ARHGAP15: variants seen among roughly 807,000 people sequenced by gnomAD.
The protein encoded by ARHGAP15 is Rho GTPase activating protein 15, also known as rho GTPase-activating protein 15.
In ARHGAP15, 51 loss-of-function variants were observed where a neutral mutation model predicts 63.7. The observed-to-expected ratio is 0.80, with a 90% CI of 0.64 to 1.01. ARHGAP15 has a LOEUF of 1.01. ARHGAP15 is among the 50% of genes least tolerant of loss of function. The probability of loss-of-function intolerance (pLI) is 0.00; values close to 1 mark genes in which losing one functional copy is unlikely to be tolerated. For synonymous variants in ARHGAP15, 191 were observed against 193.8 expected (o/e 0.99, Z 0.12); for missense variants, 560 against 564.6 (o/e 0.99, Z 0.08).
intron 13 of ARHGAP15, among the ~76,000 whole-genome samples, chr2:143,760,373 G>T (rs577162316): frequency 1.3e-5 from 2 of 152,140 alleles, no homozygotes; most frequent in East Asian, 3.9e-4. Context: ...TTTCTTTTTG[G>T]TATTATCTAC....
intron 6 of ARHGAP15, 113 bp downstream of exon 6, chr2:143,250,713 G>A (rs932161822): frequency 1.3e-6 from 1 of 796,996 alleles, no homozygotes; most frequent in African/African-American, 1.8e-5. Context: ...TGAACTCGTT[G>A]TCTGAAGGTC....
At chr2:143,687,248 G>T (rs1468549713) in intron 12 of ARHGAP15, among the ~76,000 whole-genome samples, 3 of 152,242 alleles carry the variant, frequency 2.0e-5, no homozygotes, top group African/African-American at 7.2e-5. Context: ...CAAATATTTT[G>T]AAATGAACAG....
intron 13 of ARHGAP15, among the ~76,000 whole-genome samples, chr2:143,758,490 T>A (rs1686655098): frequency 1.3e-5 from 2 of 151,978 alleles, no homozygotes; most frequent in Admixed American, 1.3e-4. Flanking sequence ...ATAAAATGGG[T>A]TAAACAAACA....
At chr2:143,459,440 TAAGA>T (rs1027700600) in intron 8 of ARHGAP15, among the ~76,000 whole-genome samples, 3 of 151,850 alleles carry the variant, frequency 2.0e-5, no homozygotes, top group Non-Finnish European at 4.4e-5. Context: ...AAAACTAAAG[TAAGA>T]AAGTGGCATA....
intron 11 of ARHGAP15, among the ~76,000 whole-genome samples, chr2:143,623,534 T>TA (rs59749655): frequency 4.0e-4 from 60 of 148,224 alleles, no homozygotes; most frequent in African/African-American, 1.2e-3. Flanking sequence ...AGATGAGAAC[T>TA]AAAAAAAAAA....
intron 10 of ARHGAP15, among the ~76,000 whole-genome samples, chr2:143,553,257 T>G (rs1047656832): frequency 6.6e-6 from 1 of 152,214 alleles, no homozygotes; most frequent in Non-Finnish European, 1.5e-5. Context: ...CTTTTTAATA[T>G]GTACTTTGTC....
At chr2:143,700,635 C>A (rs1264021254) in intron 12 of ARHGAP15, among the ~76,000 whole-genome samples, 1 of 152,104 alleles carries the variant, frequency 6.6e-6, no homozygotes, top group Non-Finnish European at 1.5e-5. Context: ...GTACTGGAAT[C>A]ATGCCAAACT....
intron 12 of ARHGAP15, among the ~76,000 whole-genome samples, chr2:143,629,027 T>G (rs1299436967): frequency 2.0e-5 from 3 of 152,136 alleles, no homozygotes; most frequent in Non-Finnish European, 4.4e-5. Flanking sequence ...CTGGAATACT[T>G]TGCATCTGAG....
chr2:143,542,456 C>G (rs1695112419), intron 10 of ARHGAP15, among the ~76,000 whole-genome samples: 1 of 151,966 alleles, frequency 6.6e-6, no homozygotes, highest in Non-Finnish European at 1.5e-5. Flanking sequence ...AATCACCCAT[C>G]TTCTGCGTCA....
At chr2:143,141,876 G>A (rs1395537017) in intron 1 of ARHGAP15, among the ~76,000 whole-genome samples, 1 of 152,036 alleles carries the variant, frequency 6.6e-6, no homozygotes, top group Non-Finnish European at 1.5e-5. Flanking sequence ...GACACTACGA[G>A]CCACAGTCGG....
At chr2:143,236,027 C>G in intron 5 of ARHGAP15, 2 of 1,530,424 alleles carry the variant, frequency 1.3e-6, no homozygotes, top group Non-Finnish European at 1.8e-6. Context: ...AAACAAAACC[C>G]ATTTGATGGA....
chr2:143,693,322 A>G (rs1275498741), intron 12 of ARHGAP15, among the ~76,000 whole-genome samples: 2 of 152,220 alleles, frequency 1.3e-5, no homozygotes, highest in Admixed American at 6.5e-5. Context: ...AATATCCCAC[A>G]AAGTCCCGTT....
intron 6 of ARHGAP15, chr2:143,350,864 A>G (rs1465560976): frequency 1.4e-5 from 2 of 143,534 alleles, no homozygotes; most frequent in East Asian, 2.0e-4. Context: ...AAAAAAAAAG[A>G]AATTATATAT....
At chr2:143,413,148 A>G (rs1467476531) in intron 6 of ARHGAP15, among the ~76,000 whole-genome samples, 3 of 152,228 alleles carry the variant, frequency 2.0e-5, no homozygotes, top group African/African-American at 7.2e-5. Flanking sequence ...GACATTACAT[A>G]TTAAAAAGTA....
At chr2:143,589,399 G>A (rs75062360) in intron 11 of ARHGAP15, among the ~76,000 whole-genome samples, 3,779 of 152,232 alleles carry the variant, frequency 0.025, 78 homozygotes, top group Non-Finnish European at 0.038. Flanking sequence ...CTTGAACACA[G>A]GCATCACACT....
intron 6 of ARHGAP15, among the ~76,000 whole-genome samples, chr2:143,383,830 C>T (rs1687157995): frequency 6.6e-6 from 1 of 152,112 alleles, no homozygotes; most frequent in Admixed American, 6.6e-5. Context: ...CAGTGAAATA[C>T]TAAACAAGTC....
intron 13 of ARHGAP15, among the ~76,000 whole-genome samples, chr2:143,739,850 C>A (rs1685892577): frequency 6.6e-6 from 1 of 152,156 alleles, no homozygotes; most frequent in African/African-American, 2.4e-5. Context: ...ATAATAGGTG[C>A]CCCTGTTACT....
At chr2:143,671,978 C>A (rs1338403627) in intron 12 of ARHGAP15, among the ~76,000 whole-genome samples, 1 of 152,084 alleles carries the variant, frequency 6.6e-6, no homozygotes, top group African/African-American at 2.4e-5. Context: ...ATAATAGGAA[C>A]TTTACAGAAG....
rs1476792542 is a variant in ARHGAP15, at chr2:143,202,144, A to G, written c.176A>G (p.His59Arg). 1 of 1,611,940 alleles carries G rather than the reference A, an allele frequency of 6.2e-7. No individual in the cohort carries two copies. Among genetic ancestry groups the G allele is most frequent in the East Asian group, 2.2e-5 (1 of 44,842 alleles). ...VGKVTEPISR[H>R]RRNHSQHILK... ...TCAATATATTTGCAGATATCCAGACACAGAAGGAATCATTCACAGCATATC... is the reference window on the plus strand; with the variant it reads ...TCAATATATTTGCAGATATCCAGACGCAGAAGGAATCATTCACAGCATATC... Residue 59 changes from histidine to arginine, a missense_variant, in exon 3 of 14, where the codon CAC becomes CGC. Physicochemically the swap from His to Arg is conservative, Grantham distance 29. Transcript: ENST00000295095.
Sources: gnomAD v4.1 joint callset for allele counts (sites outside exome capture counted in the v4.1 genomes callset) on GRCh38, gnomAD v4.1.1 for gene constraint, MANE v1.5 for transcripts, NCBI Gene and HGNC (gene_info 2026-07-23, HGNC 2026-07-21) for gene names.